Variants in DPY19L3 observed in about 807,000 individuals in gnomAD.
DPY19L3 encodes the protein dpy-19 like C-mannosyltransferase 3.
A neutral mutation model predicts 92.3 loss-of-function variants in DPY19L3; 51 were observed. The ratio of observed to expected loss-of-function variants is 0.55; its 90% CI spans 0.44 to 0.70. The LOEUF is 0.70. Ranked by LOEUF, DPY19L3 falls within the 30% of genes least tolerant of loss-of-function variation. The pLI is 0.00. For missense variants in DPY19L3, 706 were observed against 855.9 expected, an observed-to-expected ratio of 0.82 and a Z score of 2.18; for synonymous variants, 309 against 315.2, an observed-to-expected ratio of 0.98 and a Z score of 0.21.
chr19:32,408,003 G>T (rs889223883), intron 1 of DPY19L3, among the ~76,000 whole-genome samples: 4 of 152,026 alleles, frequency 2.6e-5, no homozygotes, highest in Non-Finnish European at 5.9e-5. Context: ...TGGATCACCT[G>T]AGCCTGTGGA....
chr19:32,430,652 G>A (rs118187646), intron 3 of DPY19L3, among the ~76,000 whole-genome samples: 2,688 of 151,874 alleles, frequency 0.018, 34 homozygotes, highest in South Asian at 0.049. Flanking sequence ...GCAGGGTCTC[G>A]CTCTATCATC....
At chr19:32,472,838 C>T (rs1003811408) in intron 16 of DPY19L3, among the ~76,000 whole-genome samples, 7 of 151,936 alleles carry the variant, frequency 4.6e-5, no homozygotes, top group Non-Finnish European at 8.8e-5. Flanking sequence ...TAATGAAACC[C>T]GTGTGTGCAG....
intron 2 of DPY19L3, 22 bp downstream of exon 2, chr19:32,408,378 A>G (rs938569699): frequency 2.5e-6 from 4 of 1,577,592 alleles, no homozygotes; most frequent in Non-Finnish European, 3.5e-6. Context: ...AAACTAAAGC[A>G]GCAATTTGGG....
chr19:32,417,617 C>G (rs1224931253), intron 3 of DPY19L3, among the ~76,000 whole-genome samples: 2 of 152,198 alleles, frequency 1.3e-5, no homozygotes, highest in Non-Finnish European at 2.9e-5. Flanking sequence ...CCACGCCTGG[C>G]CAGATCTGAT....
intron 2 of DPY19L3, among the ~76,000 whole-genome samples, chr19:32,410,382 G>T (rs1381712196): frequency 2.0e-5 from 3 of 152,058 alleles, no homozygotes; most frequent in Non-Finnish European, 4.4e-5. Flanking sequence ...TCCATATTTT[G>T]CCTAGTTTAT....
intron 12 of DPY19L3, among the ~76,000 whole-genome samples, chr19:32,463,082 G>T (rs1048966302): frequency 1.6e-3 from 236 of 148,762 alleles, no homozygotes; most frequent in Non-Finnish European, 2.4e-3. Flanking sequence ...AAAAATTTGA[G>T]TTTTTTTTTT....
intron 3 of DPY19L3, among the ~76,000 whole-genome samples, chr19:32,430,082 G>A (rs964575346): frequency 1.3e-5 from 2 of 152,180 alleles, no homozygotes; most frequent in Non-Finnish European, 1.5e-5. Context: ...TATAACGCAA[G>A]TGTGTTATTG....
At chr19:32,432,922 G>A (rs556722641) in intron 4 of DPY19L3, 116 bp downstream of exon 4, 194 of 766,796 alleles carry the variant, frequency 2.5e-4, no homozygotes, top group Non-Finnish European at 3.5e-4. Flanking sequence ...GTATTTTTCC[G>A]TGCTAATGTC....
chr19:32,411,889 T>G (rs954193952), intron 3 of DPY19L3: 2 of 151,168 alleles, frequency 1.3e-5, no homozygotes, highest in African/African-American at 2.4e-5. Context: ...TTCATTTTAA[T>G]TTTTTGAGAT....
At chr19:32,424,269 G>A (rs1260355934) in intron 3 of DPY19L3, among the ~76,000 whole-genome samples, 1 of 151,208 alleles carries the variant, frequency 6.6e-6, no homozygotes, top group Non-Finnish European at 1.5e-5. Context: ...GCAGTGAGCT[G>A]TGATCACACC....
chr19:32,474,445 A>G (rs555592733), intron 16 of DPY19L3, among the ~76,000 whole-genome samples: 2 of 152,314 alleles, frequency 1.3e-5, no homozygotes, highest in South Asian at 2.1e-4. Context: ...GAGCCTGCTG[A>G]GGAGAGAGCA....
rs558526948 is a variant in DPY19L3 at position 32,410,707 on chromosome 19, T to C, written c.104-532T>C. On this transcript the variant is annotated intron_variant, in intron 2 of 18. Transcript: ENST00000392250. ...CTGAGGTGGGAGAATTGCTTGAACCTAGGAGGCAGAGGTTGCAGTGAACCG... is the reference window on the plus strand; with the variant it reads ...CTGAGGTGGGAGAATTGCTTGAACCCAGGAGGCAGAGGTTGCAGTGAACCG... Among the ~76,000 whole-genome samples the C allele has an allele frequency of 4.6e-5, 7 of 152,264 alleles. No individual in the cohort carries two copies. The East Asian group carries it at 1.4e-3, about 29-fold the overall frequency.
At chr19:32,481,778 A>T (rs1970680526) in intron 18 of DPY19L3, 2 of 244,054 alleles carry the variant, frequency 8.2e-6, no homozygotes, top group Non-Finnish European at 1.6e-5. Flanking sequence ...TCTGTATTTC[A>T]TTTCTATGAG....
intron 16 of DPY19L3, among the ~76,000 whole-genome samples, chr19:32,471,133 C>T (rs1970345663): frequency 6.6e-6 from 1 of 152,190 alleles, no homozygotes; most frequent in Non-Finnish European, 1.5e-5. Flanking sequence ...CTTCAAGTTT[C>T]ACCTCACTGC....
intron 3 of DPY19L3, among the ~76,000 whole-genome samples, chr19:32,428,681 T>A (rs1368701512): frequency 1.3e-5 from 2 of 152,244 alleles, no homozygotes; most frequent in Non-Finnish European, 2.9e-5. Context: ...CAAAGGACTC[T>A]AGCCTTTTGG....
chr19:32,428,888 C>T (rs1302517085), intron 3 of DPY19L3, among the ~76,000 whole-genome samples: 1 of 150,806 alleles, frequency 6.6e-6, no homozygotes, highest in Non-Finnish European at 1.5e-5. Flanking sequence ...CACTCTGTCT[C>T]CCAGGCTGGA....
intron 12 of DPY19L3, among the ~76,000 whole-genome samples, chr19:32,462,175 CACAA>C (rs1409370773): frequency 2.6e-5 from 4 of 152,070 alleles, no homozygotes; most frequent in African/African-American, 9.7e-5. Flanking sequence ...GCTGTTTGAA[CACAA>C]ACAATACAGG....
intron 3 of DPY19L3, among the ~76,000 whole-genome samples, chr19:32,420,845 CAA>C (rs990338655): frequency 5.3e-5 from 8 of 152,110 alleles, no homozygotes; most frequent in African/African-American, 1.7e-4. Context: ...TATGTTGTAA[CAA>C]TGATGAAAAA....
At chr19:32,407,728 G>T (rs909169857) in intron 1 of DPY19L3, among the ~76,000 whole-genome samples, 1 of 152,184 alleles carries the variant, frequency 6.6e-6, no homozygotes, top group Non-Finnish European at 1.5e-5. Context: ...GAATAAATAT[G>T]ATTGAGTTGA....
Sources: gnomAD v4.1 joint callset for allele counts (sites outside exome capture counted in the v4.1 genomes callset) on GRCh38, gnomAD v4.1.1 for gene constraint, MANE v1.5 for transcripts, NCBI Gene and HGNC (gene_info 2026-07-23, HGNC 2026-07-21) for gene names.